RANBP2: variants seen among roughly 807,000 people sequenced by gnomAD.
The protein encoded by RANBP2 is E3 SUMO-protein ligase RanBP2.
In RANBP2, 57 loss-of-function variants were observed where a neutral mutation model predicts 303.6. That is an observed-to-expected ratio of 0.19 (90% CI 0.15 to 0.23). RANBP2 has a LOEUF of 0.23. Among genes scored for constraint, RANBP2 ranks in the 10% least tolerant of loss-of-function variants. The pLI is 1.00. For missense variants in RANBP2, 3,138 were observed against 3,780.8 expected (o/e 0.83, Z 4.46); for synonymous variants, 1,167 against 1,301.5 (o/e 0.90, Z 2.23).
chr2:109,341,558 C>T, the RANBP2 span, among the ~76,000 whole-genome samples: 5 of 152,192 alleles, frequency 3.3e-5, no homozygotes, highest in African/African-American at 1.2e-4. Context: ...ATAAGCTGAG[C>T]TGTGAATGAG....
the RANBP2 span, among the ~76,000 whole-genome samples, chr2:109,429,725 C>T: frequency 4.6e-5 from 7 of 152,332 alleles, no homozygotes; most frequent in Middle Eastern, 3.4e-3. Flanking sequence ...GACAGAAGCT[C>T]CATCCCCTCG....
the RANBP2 span, among the ~76,000 whole-genome samples, chr2:109,394,929 G>A: frequency 2.0e-5 from 3 of 152,252 alleles, no homozygotes; most frequent in Admixed American, 6.5e-5. Context: ...CCGCCGTCCC[G>A]CACAGGCACT....
At chr2:109,195,281 G>A in the RANBP2 span, among the ~76,000 whole-genome samples, 1 of 152,174 alleles carries the variant, frequency 6.6e-6, no homozygotes, top group African/African-American at 2.4e-5. Flanking sequence ...TAACAGGAGG[G>A]TCCCATAGCT....
At chr2:108,828,524 T>C in the RANBP2 span, among the ~76,000 whole-genome samples, 2 of 152,210 alleles carry the variant, frequency 1.3e-5, no homozygotes. Flanking sequence ...TGGGATAGAA[T>C]GGAGAGCCCA....
the RANBP2 span, among the ~76,000 whole-genome samples, chr2:108,889,123 T>C: frequency 6.6e-6 from 1 of 152,184 alleles, no homozygotes; most frequent in East Asian, 1.9e-4. Context: ...TTCCTCATGG[T>C]ATTGATTTCT....
At chr2:108,923,382 G>C in the RANBP2 span, 6 of 1,614,200 alleles carry the variant, frequency 3.7e-6, no homozygotes, top group East Asian at 1.1e-4. Context: ...CTTGGTGTTG[G>C]GGGGTGCCAG....
the RANBP2 span, among the ~76,000 whole-genome samples, chr2:109,496,335 T>C: frequency 6.6e-6 from 1 of 152,226 alleles, no homozygotes; most frequent in East Asian, 1.9e-4. Context: ...TTTACAATCC[T>C]CTTGCTAGCT....
the RANBP2 span, among the ~76,000 whole-genome samples, chr2:109,643,993 C>T: frequency 4.0e-5 from 6 of 148,882 alleles, 1 homozygote; most frequent in Middle Eastern, 7.4e-3. Context: ...TGGTGGCAGG[C>T]GCCTGCAATC....
At chr2:109,447,044 G>A in the RANBP2 span, among the ~76,000 whole-genome samples, 10 of 151,572 alleles carry the variant, frequency 6.6e-5, no homozygotes, top group Non-Finnish European at 1.2e-4. Context: ...CGAGGCCCCT[G>A]GATCTGCGTG....
intron 4 of RANBP2, 87 bp from the exon 5 acceptor site, chr2:108,735,445 T>G: frequency 6.3e-7 from 1 of 1,596,490 alleles, no homozygotes; most frequent in South Asian, 1.1e-5. Context: ...AAACTAGACA[T>G]AGTGGAATGG....
At chr2:109,188,608 T>C in the RANBP2 span, among the ~76,000 whole-genome samples, 1 of 152,176 alleles carries the variant, frequency 6.6e-6, no homozygotes, top group African/African-American at 2.4e-5. Context: ...GGCAGCAGTT[T>C]GCCTATGGTG....
the RANBP2 span, among the ~76,000 whole-genome samples, chr2:109,101,475 C>T: frequency 1.3e-5 from 2 of 151,968 alleles, no homozygotes; most frequent in African/African-American, 4.8e-5. Flanking sequence ...TGTAGTTGAG[C>T]CGAGATCACC....
the RANBP2 span, among the ~76,000 whole-genome samples, chr2:109,158,697 A>G: frequency 1.3e-5 from 2 of 152,262 alleles, no homozygotes; most frequent in South Asian, 4.1e-4. Context: ...TCTGAGAATC[A>G]GATGTAATTA....
At chr2:109,649,107 G>T in the RANBP2 span, among the ~76,000 whole-genome samples, 2 of 152,164 alleles carry the variant, frequency 1.3e-5, no homozygotes, top group Non-Finnish European at 2.9e-5. Flanking sequence ...AATAGATAAT[G>T]CTCACTAACA....
the RANBP2 span, among the ~76,000 whole-genome samples, chr2:109,245,226 C>T: frequency 1.3e-5 from 2 of 152,120 alleles, no homozygotes; most frequent in African/African-American, 4.8e-5. Flanking sequence ...TCTCTAGGGT[C>T]ATCTTACTGG....
the RANBP2 span, among the ~76,000 whole-genome samples, chr2:109,422,282 T>G: frequency 3.3e-5 from 5 of 152,208 alleles, no homozygotes; most frequent in Non-Finnish European, 7.4e-5. Context: ...GGGGCTGATG[T>G]GAAAGTCAGC....
At chr2:109,490,597 C>A in the RANBP2 span, 1 of 1,420,250 alleles carries the variant, frequency 7.0e-7, no homozygotes, top group South Asian at 1.5e-5. Flanking sequence ...TCTTGTGTGT[C>A]TCCCCAGAAA....
chr2:109,434,973 A>T, the RANBP2 span, among the ~76,000 whole-genome samples: 1 of 152,168 alleles, frequency 6.6e-6, no homozygotes, highest in Non-Finnish European at 1.5e-5. Context: ...GAGCACTTAG[A>T]GTGGCCCGGT....
At chr2:108,789,347 C>T (rs1455072234), downstream of RANBP2, among the ~76,000 whole-genome samples, 1 of 152,152 alleles carries the variant, frequency 6.6e-6, no homozygotes, top group African/African-American at 2.4e-5. Flanking sequence ...AATCCCAGCA[C>T]TTTGGGAGGC....
Sources: gnomAD v4.1 joint callset for allele counts (sites outside exome capture counted in the v4.1 genomes callset) on GRCh38, gnomAD v4.1.1 for gene constraint, MANE v1.5 for transcripts, NCBI Gene and HGNC (gene_info 2026-07-23, HGNC 2026-07-21) for gene names.